The following WWOX variants were observed in gnomAD, a reference collection of about 807,000 sequenced individuals.
WWOX encodes the protein WW domain-containing oxidoreductase.
In WWOX, 69 loss-of-function variants were observed where a neutral mutation model predicts 46.2. That is an observed-to-expected ratio of 1.49 (90% CI 1.23 to 1.82). The LOEUF is 1.82. Among genes scored for constraint, WWOX ranks in the 40% most tolerant of loss-of-function variants. The pLI is 0.00. For missense variants in WWOX, 919 were observed against 542.6 expected (o/e 1.69, Z -6.89); for synonymous variants, 359 against 202.6 (o/e 1.77, Z -6.56).
chr16:78,308,441 C>T (rs56168155), intron 5 of WWOX, among the ~76,000 whole-genome samples: 7,751 of 152,122 alleles, frequency 0.051, 502 homozygotes, highest in African/African-American at 0.16. Flanking sequence ...AAAACAGATC[C>T]TAAGGCTGAC....
chr16:78,841,039 A>G (rs558610076), intron 8 of WWOX, among the ~76,000 whole-genome samples: 129 of 152,224 alleles, frequency 8.5e-4, no homozygotes, highest in African/African-American at 3.0e-3. Flanking sequence ...GCAGTCCAAT[A>G]TAACAAAGAA....
intron 8 of WWOX, among the ~76,000 whole-genome samples, chr16:78,640,468 A>C (rs1402502555): frequency 6.6e-6 from 1 of 152,016 alleles, no homozygotes; most frequent in Non-Finnish European, 1.5e-5. Flanking sequence ...GGCTCCTGCC[A>C]TTGATGTGAG....
chr16:78,322,619 C>T (rs966217522), intron 5 of WWOX, among the ~76,000 whole-genome samples: 2 of 152,228 alleles, frequency 1.3e-5, no homozygotes, highest in African/African-American at 4.8e-5. Flanking sequence ...ATTAAATCTT[C>T]TGAAGCAACT....
chr16:78,625,163 C>A (rs1010001495), intron 8 of WWOX, among the ~76,000 whole-genome samples: 1 of 152,192 alleles, frequency 6.6e-6, no homozygotes, highest in Non-Finnish European at 1.5e-5. Flanking sequence ...ACCAATCACG[C>A]TGAGGGATCC....
At chr16:78,985,656 C>T (rs571188742) in intron 8 of WWOX, among the ~76,000 whole-genome samples, 1 of 152,316 alleles carries the variant, frequency 6.6e-6, no homozygotes, top group Non-Finnish European at 1.5e-5. Flanking sequence ...GTAGTCCCAG[C>T]TACTCAGGAG....
chr16:79,076,978 C>T (rs1022022070), intron 8 of WWOX, among the ~76,000 whole-genome samples: 10 of 152,084 alleles, frequency 6.6e-5, no homozygotes, highest in Admixed American at 1.3e-4. Context: ...TTAAAGAGGT[C>T]AATTATTAGG....
At chr16:78,264,464 T>A (rs2079317970) in intron 5 of WWOX, 1 of 152,138 alleles carries the variant, frequency 6.6e-6, no homozygotes, top group Non-Finnish European at 1.5e-5. Flanking sequence ...TCCTTCTTTT[T>A]TAAGAGAGAA....
intron 5 of WWOX, among the ~76,000 whole-genome samples, chr16:78,218,200 G>A (rs2036784049): frequency 6.6e-6 from 1 of 152,070 alleles, no homozygotes; most frequent in African/African-American, 2.4e-5. Context: ...TACTGCAGAT[G>A]TGTGTCACCA....
At chr16:78,303,054 G>T (rs1428347127) in intron 5 of WWOX, among the ~76,000 whole-genome samples, 1 of 152,158 alleles carries the variant, frequency 6.6e-6, no homozygotes, top group African/African-American at 2.4e-5. Context: ...TGGAACAGCT[G>T]GTTTTCCCTT....
chr16:78,882,965 C>T (rs917792080), intron 8 of WWOX, among the ~76,000 whole-genome samples: 2 of 152,236 alleles, frequency 1.3e-5, no homozygotes, highest in Admixed American at 1.3e-4. Context: ...GAGGGAGAAG[C>T]CACAGAACTG....
rs142737304 is a variant in WWOX at position 79,175,820 on chromosome 16, C to G, written c.1057-35788C>G. On this transcript the variant is annotated intron_variant, in intron 8 of 8. Transcript: ENST00000566780. ...GTCCCAATGTGCCCTTTTTGTCTCA[C>G]TCCTTCCTCCCACACATCCTGCTCC... Among the ~76,000 whole-genome samples, 446 of 152,292 alleles carry G rather than the reference C, an allele frequency of 2.9e-3. 1 individual carries two copies. The highest frequency in any genetic ancestry group is 6.6e-3 in the South Asian group (32 of 4,828).
At chr16:78,405,503 T>A (rs2082506604) in intron 6 of WWOX, among the ~76,000 whole-genome samples, 1 of 152,242 alleles carries the variant, frequency 6.6e-6, no homozygotes, top group Non-Finnish European at 1.5e-5. Context: ...ATGTTGATGT[T>A]TCTCATTTTA....
At chr16:78,140,221 T>TA (rs2033939256) in intron 4 of WWOX, among the ~76,000 whole-genome samples, 1 of 152,216 alleles carries the variant, frequency 6.6e-6, no homozygotes, top group Admixed American at 6.5e-5. Context: ...AGGTGCCCGA[T>TA]ACAGTCCACC....
chr16:78,483,309 CAGTG>C (rs932514681), intron 8 of WWOX, among the ~76,000 whole-genome samples: 28 of 151,762 alleles, frequency 1.8e-4, no homozygotes, highest in Admixed American at 1.3e-4. Context: ...AGACGGGTCT[CAGTG>C]AGGTGTGCCT....
intron 8 of WWOX, among the ~76,000 whole-genome samples, chr16:78,643,220 A>C (rs1400508065): frequency 6.6e-6 from 1 of 152,262 alleles, no homozygotes; most frequent in Non-Finnish European, 1.5e-5. Flanking sequence ...AAGTCAAAAA[A>C]GGACACGTAT....
chr16:78,493,538 T>C (rs1305873403), intron 8 of WWOX, among the ~76,000 whole-genome samples: 2 of 152,234 alleles, frequency 1.3e-5, no homozygotes, highest in South Asian at 4.1e-4. Context: ...CTGAGTTCTT[T>C]ATAAAATATC....
In WWOX at chr16:79,047,788, A is replaced by T. The variant is rs185895322; in HGVS notation, c.1057-163820A>T. ...AGGTACTTGGTGACTCTTGGTTGCGATCTGATGACTGGCTCACAGTAGGAC... is the reference window on the plus strand; with the variant it reads ...AGGTACTTGGTGACTCTTGGTTGCGTTCTGATGACTGGCTCACAGTAGGAC... On this transcript the variant is annotated intron_variant, in intron 8 of 8. Transcript: ENST00000566780. 2.3e-3 allele frequency among the ~76,000 whole-genome samples: 341 copies of T among 146,308 alleles called. 1 individual carries two copies. Among genetic ancestry groups the T allele is most frequent in the Non-Finnish European group, 3.8e-3 (256 of 67,492 alleles).
intron 5 of WWOX, among the ~76,000 whole-genome samples, chr16:78,316,134 A>G (rs1032698792): frequency 6.6e-6 from 1 of 152,026 alleles, no homozygotes; most frequent in African/African-American, 2.4e-5. Context: ...GGTCCCAGCT[A>G]CTTGGGAGGC....
chr16:78,209,923 G>A (rs116390492), intron 5 of WWOX, among the ~76,000 whole-genome samples: 2,991 of 151,842 alleles, frequency 0.02, 104 homozygotes, highest in African/African-American at 0.068. Flanking sequence ...AATTTTCTTC[G>A]TTCTTTCTGA....
Sources: gnomAD v4.1 joint callset for allele counts (sites outside exome capture counted in the v4.1 genomes callset) on GRCh38, gnomAD v4.1.1 for gene constraint, MANE v1.5 for transcripts, NCBI Gene and HGNC (gene_info 2026-07-23, HGNC 2026-07-21) for gene names.